The following WWOX variants were observed in gnomAD, a reference collection of about 807,000 sequenced individuals.
The protein encoded by WWOX is WW domain-containing oxidoreductase.
Under a neutral mutation model 46.2 loss-of-function variants are expected in WWOX, and 69 were observed. That is an observed-to-expected ratio of 1.49 (90% CI 1.23 to 1.82). The LOEUF (loss-of-function observed/expected upper bound fraction) is 1.82. Ranked by LOEUF, WWOX falls within the 40% of genes most tolerant of loss-of-function variation. WWOX has a pLI of 0.00. For synonymous variants in WWOX, 359 were observed against 202.6 expected, an observed-to-expected ratio of 1.77 and a Z score of -6.56; for missense variants, 919 against 542.6, an observed-to-expected ratio of 1.69 and a Z score of -6.89.
chr16:78,959,644 C>T (rs994140420), intron 8 of WWOX, among the ~76,000 whole-genome samples: 1 of 152,100 alleles, frequency 6.6e-6, no homozygotes, highest in Non-Finnish European at 1.5e-5. Context: ...GGTGAAAGAT[C>T]AAAGAGCTCA....
intron 5 of WWOX, among the ~76,000 whole-genome samples, chr16:78,211,781 C>A (rs914726460): frequency 1.3e-5 from 2 of 152,080 alleles, no homozygotes; most frequent in Admixed American, 6.5e-5. Context: ...GAAGATCTTC[C>A]CAGCAGGGAG....
intron 8 of WWOX, among the ~76,000 whole-genome samples, chr16:78,756,067 C>A (rs2049638719): frequency 6.6e-6 from 1 of 152,128 alleles, no homozygotes. Context: ...AGAATTCACC[C>A]CATCTTCAGT....
chr16:78,245,903 G>A (rs1486571439), intron 5 of WWOX, among the ~76,000 whole-genome samples: 2 of 152,128 alleles, frequency 1.3e-5, no homozygotes, highest in Admixed American at 1.3e-4. Context: ...ATTCCAGAAA[G>A]GAGAACAAAG....
chr16:79,192,508 C>T (rs1183124042), intron 8 of WWOX, among the ~76,000 whole-genome samples: 5 of 152,142 alleles, frequency 3.3e-5, no homozygotes, highest in African/African-American at 1.2e-4. Flanking sequence ...AATAATTTAA[C>T]AACTGAAAAA....
intron 7 of WWOX, among the ~76,000 whole-genome samples, chr16:78,428,381 C>G (rs1278856401): frequency 2.6e-5 from 4 of 152,178 alleles, no homozygotes; most frequent in Middle Eastern, 3.2e-3. Flanking sequence ...TTGCCACTTC[C>G]TGGAGGACTG....
intron 5 of WWOX, among the ~76,000 whole-genome samples, chr16:78,363,861 C>G (rs1000488611): frequency 1.3e-5 from 2 of 152,130 alleles, no homozygotes; most frequent in Non-Finnish European, 2.9e-5. Flanking sequence ...GTGCAGAGTT[C>G]GAGGCAGGGC....
In WWOX at chr16:78,886,113, C is replaced by T. The variant is rs146431928; in HGVS notation, c.1057-325495C>T. 9.4e-3 allele frequency among the ~76,000 whole-genome samples: 1,424 copies of T among 151,648 alleles called. 27 individuals are homozygous for T. The highest frequency in any genetic ancestry group is 0.032 in the African/African-American group (1,317 of 41,328). ...CTAATTTTTGTATATTTAGTAGAGACGGGGTGTCACCATGTTGGCCAGGCA... is the reference window on the plus strand; with the variant it reads ...CTAATTTTTGTATATTTAGTAGAGATGGGGTGTCACCATGTTGGCCAGGCA... On this transcript the variant is annotated intron_variant, in intron 8 of 8. Coordinates refer to ENST00000566780, the MANE Select transcript of WWOX (RefSeq NM_016373.4).
chr16:78,206,441 TA>T (rs547133601), intron 5 of WWOX, among the ~76,000 whole-genome samples: 344 of 152,292 alleles, frequency 2.3e-3, no homozygotes, highest in Non-Finnish European at 3.9e-3. Flanking sequence ...TTAGGAACTT[TA>T]AATGTTGACC....
At chr16:78,744,374 G>C (rs985651560) in intron 8 of WWOX, among the ~76,000 whole-genome samples, 1 of 147,990 alleles carries the variant, frequency 6.8e-6, no homozygotes, top group Non-Finnish European at 1.5e-5. Flanking sequence ...ATTATATGCA[G>C]AAGACGCTTG....
chr16:78,668,211 C>T lies in WWOX; in HGVS notation c.1056+235459C>T, dbSNP rs543837025. On this transcript the variant is annotated intron_variant, in intron 8 of 8. Coordinates refer to ENST00000566780, the MANE Select transcript of WWOX (RefSeq NM_016373.4). ...AGAAGAACCACTGGAACCTGGGAAG[C>T]GGAGGTTGCAGTCAGCCGAGATCTA... Among the ~76,000 whole-genome samples the T allele has an allele frequency of 7.3e-5, 11 of 151,690 alleles. No homozygotes were observed. In the East Asian group the frequency reaches 9.8e-4, roughly 13 times the overall value.
At chr16:79,022,562 G>C (rs941905817) in intron 8 of WWOX, among the ~76,000 whole-genome samples, 4 of 152,076 alleles carry the variant, frequency 2.6e-5, no homozygotes, top group Non-Finnish European at 5.9e-5. Flanking sequence ...TAATATCTTT[G>C]CAGGACAAAG....
At chr16:79,090,220 C>G (rs1176485750) in intron 8 of WWOX, 4 of 151,406 alleles carry the variant, frequency 2.6e-5, no homozygotes, top group African/African-American at 9.7e-5. Context: ...TCTGAGTGGG[C>G]CAGGGTCGGG....
chr16:78,660,992 T>A (rs1391557878), intron 8 of WWOX, among the ~76,000 whole-genome samples: 1 of 152,178 alleles, frequency 6.6e-6, no homozygotes, highest in Non-Finnish European at 1.5e-5. Context: ...TTATAGACAT[T>A]GAAGTTAGAT....
chr16:79,180,300 T>TG (rs2050885167), intron 8 of WWOX, among the ~76,000 whole-genome samples: 1 of 152,218 alleles, frequency 6.6e-6, no homozygotes, highest in African/African-American at 2.4e-5. Context: ...GTGCACAAGG[T>TG]GGAAGGTCAC....
chr16:78,882,323 G>T (rs932780636), intron 8 of WWOX, among the ~76,000 whole-genome samples: 1 of 152,150 alleles, frequency 6.6e-6, no homozygotes, highest in Non-Finnish European at 1.5e-5. Context: ...TGGAAAACAG[G>T]TTCAGAGAAG....
chr16:79,169,664 G>T (rs532251572), intron 8 of WWOX, among the ~76,000 whole-genome samples: 1 of 152,222 alleles, frequency 6.6e-6, no homozygotes, highest in Non-Finnish European at 1.5e-5. Context: ...AACTAGGAAG[G>T]TAGGTTGTCC....
At chr16:78,884,490 C>G (rs189546880) in intron 8 of WWOX, among the ~76,000 whole-genome samples, 2 of 152,082 alleles carry the variant, frequency 1.3e-5, no homozygotes, top group East Asian at 1.9e-4. Context: ...TAAATCCACA[C>G]AAGAGGAGAC....
intron 8 of WWOX, among the ~76,000 whole-genome samples, chr16:78,576,470 A>G (rs141423709): frequency 2.0e-4 from 30 of 152,278 alleles, no homozygotes; most frequent in African/African-American, 4.8e-4. Context: ...ATTCTTCATG[A>G]GGCTGATGTT....
chr16:78,583,209 G>A (rs1344529647), intron 8 of WWOX, among the ~76,000 whole-genome samples: 1 of 152,158 alleles, frequency 6.6e-6, no homozygotes, highest in Non-Finnish European at 1.5e-5. Context: ...TCAGGAGGCT[G>A]CTCTATCCCA....
Sources: allele counts gnomAD v4.1 joint callset (sites outside exome capture counted in the v4.1 genomes callset), GRCh38; gene constraint gnomAD v4.1.1; transcripts MANE v1.5; gene names NCBI Gene and HGNC (gene_info 2026-07-23, HGNC 2026-07-21).